DNAAF9: variants seen among roughly 807,000 people sequenced by gnomAD.
DNAAF9 encodes dynein axonemal assembly factor 9.
A neutral mutation model predicts 167.0 loss-of-function variants in DNAAF9; 90 were observed. The observed-to-expected ratio is 0.54, with a 90% CI of 0.45 to 0.64. The LOEUF (loss-of-function observed/expected upper bound fraction) is 0.64, where lower values mean the gene tolerates loss of function less well. DNAAF9 is among the 30% of genes least tolerant of loss of function. The probability of loss-of-function intolerance (pLI) is 0.00; values close to 1 mark genes in which losing one functional copy is unlikely to be tolerated. For synonymous variants in DNAAF9, 491 were observed against 508.8 expected (o/e 0.96, Z 0.47); for missense variants, 1,315 against 1,442.2 (o/e 0.91, Z 1.43).
intron 8 of DNAAF9, among the ~76,000 whole-genome samples, chr20:3,347,865 T>C (rs1272385976): frequency 6.6e-6 from 1 of 151,872 alleles, no homozygotes; most frequent in Non-Finnish European, 1.5e-5. Context: ...GAGGTTGCAG[T>C]GCACCGAGAT....
chr20:3,322,386 C>T (rs1302032623), intron 15 of DNAAF9, 124 bp from the exon 16 acceptor site: 2 of 803,322 alleles, frequency 2.5e-6, no homozygotes, highest in Admixed American at 3.9e-5. Context: ...TAGGGCCTTT[C>T]AAAACACTGG....
At position 3,338,272 on chromosome 20, in the gene DNAAF9, C is replaced by A. The variant is rs1198509955; in HGVS notation, c.981+2232G>T. 3.3e-5 allele frequency among the ~76,000 whole-genome samples: 5 copies of A among 152,082 alleles called. No homozygotes were observed. The South Asian group carries it at 1.0e-3, about 31-fold the overall frequency. On this transcript the variant is annotated intron_variant, in intron 10 of 36. Coordinates refer to ENST00000252032, the MANE Select transcript of DNAAF9 (RefSeq NM_001009984.3). ...GGTTTGGTTGGTGTGCTTTTTCATTCAACACTTTAAAATATCATTTCACTC... is the reference window on the plus strand; with the variant it reads ...GGTTTGGTTGGTGTGCTTTTTCATTAAACACTTTAAAATATCATTTCACTC...
intron 20 of DNAAF9, among the ~76,000 whole-genome samples, chr20:3,306,460 CAT>C (rs1159012612): frequency 1.3e-5 from 2 of 152,200 alleles, no homozygotes; most frequent in Admixed American, 6.5e-5. Context: ...AAGCACCACA[CAT>C]GTCATACATT....
chr20:3,343,564 A>C, intron 9 of DNAAF9, 112 bp downstream of exon 9: 1 of 735,290 alleles, frequency 1.4e-6, no homozygotes, highest in East Asian at 2.5e-5. Context: ...AAGTCAACCC[A>C]TATTTTCCTG....
chr20:3,328,963 A>C (rs2069769147), intron 12 of DNAAF9, among the ~76,000 whole-genome samples: 1 of 148,018 alleles, frequency 6.8e-6, no homozygotes, highest in African/African-American at 2.5e-5. Context: ...TCTGTATCCC[A>C]GGTTCAAGCA....
chr20:3,344,745 A>G (rs1196682428), intron 8 of DNAAF9, among the ~76,000 whole-genome samples: 1 of 152,114 alleles, frequency 6.6e-6, no homozygotes, highest in African/African-American at 2.4e-5. Flanking sequence ...ATGTTGCCAA[A>G]TTGTTTTTTA....
At chr20:3,270,020 C>T (rs1173272614) in intron 30 of DNAAF9, among the ~76,000 whole-genome samples, 4 of 150,112 alleles carry the variant, frequency 2.7e-5, no homozygotes, top group Admixed American at 6.6e-5. Flanking sequence ...TTTTCTTTTT[C>T]GAGATGGAGT....
intron 10 of DNAAF9, among the ~76,000 whole-genome samples, chr20:3,333,169 T>G (rs1172057161): frequency 1.3e-5 from 2 of 152,144 alleles, no homozygotes; most frequent in Non-Finnish European, 2.9e-5. Flanking sequence ...CCACAACCAT[T>G]TGTATTTCAT....
At chr20:3,375,268 C>A in intron 4 of DNAAF9, 142 bp from the exon 5 acceptor site, 1 of 599,252 alleles carries the variant, frequency 1.7e-6, no homozygotes, top group East Asian at 2.8e-5. Context: ...CCAAAGCCAA[C>A]CTTTTTCATT....
chr20:3,268,192 C>A (rs781028880), intron 30 of DNAAF9, among the ~76,000 whole-genome samples: 14 of 151,834 alleles, frequency 9.2e-5, no homozygotes, highest in Non-Finnish European at 2.1e-4. Context: ...CCACGCCTGG[C>A]CAATTTTTTG....
At chr20:3,263,586 CT>C (rs2068432623) in intron 31 of DNAAF9, among the ~76,000 whole-genome samples, 1 of 152,168 alleles carries the variant, frequency 6.6e-6, no homozygotes, top group African/African-American at 2.4e-5. Context: ...TTTGCTGCCC[CT>C]GGTACCTTAT....
intron 6 of DNAAF9, among the ~76,000 whole-genome samples, chr20:3,366,624 T>C (rs1447832772): frequency 6.6e-6 from 1 of 152,158 alleles, no homozygotes; most frequent in Non-Finnish European, 1.5e-5. Context: ...GACTTCTCTC[T>C]ATTTATGAAA....
intron 10 of DNAAF9, among the ~76,000 whole-genome samples, chr20:3,332,885 T>G (rs1568610118): frequency 7.2e-6 from 1 of 139,160 alleles, no homozygotes; most frequent in African/African-American, 2.9e-5. Flanking sequence ...CATGCGTGTG[T>G]GCGTGTGTGC....
chr20:3,316,887 G>C, intron 17 of DNAAF9, 94 bp from the exon 18 acceptor site: 1 of 456,480 alleles, frequency 2.2e-6, no homozygotes, highest in African/African-American at 2.5e-5. Flanking sequence ...AGGAGCTAGG[G>C]TTCTTTTTTT....
Position 3,310,803 on chromosome 20 carries a change from A to C in DNAAF9, c.1678+4230T>G, listed in dbSNP as rs143622506. Among the ~76,000 whole-genome samples, 1,199 of 152,272 alleles carry C rather than the reference A, an allele frequency of 7.9e-3. 17 individuals carry two copies. The highest frequency in any genetic ancestry group is 0.028 in the African/African-American group (1,151 of 41,534). On this transcript the variant is annotated intron_variant, in intron 20 of 36. Coordinates refer to ENST00000252032, the MANE Select transcript of DNAAF9 (RefSeq NM_001009984.3). ...AGTATAATAGCTTGGCCAATAAATA[A>C]AGACGGTTCACTAATAATAAGAGAA...
At chr20:3,310,320 G>GAAGGAGAGA (rs757794255) in intron 20 of DNAAF9, among the ~76,000 whole-genome samples, 1 of 65,214 alleles carries the variant, frequency 1.5e-5, no homozygotes, top group African/African-American at 5.7e-5. Flanking sequence ...AAGAAAGAAA[G>GAAGGAGAGA]GAAAGAGAAA....
intron 8 of DNAAF9, among the ~76,000 whole-genome samples, chr20:3,347,668 C>A (rs774308221): frequency 3.9e-5 from 6 of 152,084 alleles, no homozygotes; most frequent in Non-Finnish European, 7.3e-5. Flanking sequence ...TGGCTCACGC[C>A]TGTAATCTCA....
intron 29 of DNAAF9, among the ~76,000 whole-genome samples, chr20:3,277,753 C>A (rs1458000830): frequency 6.6e-6 from 1 of 152,098 alleles, no homozygotes; most frequent in Non-Finnish European, 1.5e-5. Flanking sequence ...GGTGCAGTGC[C>A]TAGAAAGTAA....
At chr20:3,273,471 T>C (rs962800043) in intron 29 of DNAAF9, among the ~76,000 whole-genome samples, 2 of 151,916 alleles carry the variant, frequency 1.3e-5, no homozygotes, top group African/African-American at 4.8e-5. Flanking sequence ...CATCGGCTTC[T>C]GGGGAGGCCT....
Sources: allele counts gnomAD v4.1 joint callset (sites outside exome capture counted in the v4.1 genomes callset), GRCh38; gene constraint gnomAD v4.1.1; transcripts MANE v1.5; gene names NCBI Gene and HGNC (gene_info 2026-07-23, HGNC 2026-07-21).